RASA3: variants seen among roughly 807,000 people sequenced by gnomAD.
RASA3 encodes the protein RAS p21 protein activator 3, also known as ras GTPase-activating protein 3.
RASA3 carries 73 observed loss-of-function variants against 110.0 expected under a neutral mutation model. The ratio of observed to expected loss-of-function variants is 0.66; its 90% CI spans 0.55 to 0.81. The LOEUF (loss-of-function observed/expected upper bound fraction) is 0.81. Ranked by LOEUF, RASA3 falls within the 30% of genes least tolerant of loss-of-function variation. RASA3 has a pLI of 0.00. For synonymous variants in RASA3, 500 were observed against 451.4 expected, an observed-to-expected ratio of 1.11 and a Z score of -1.37; for missense variants, 976 against 1,113.2, an observed-to-expected ratio of 0.88 and a Z score of 1.75.
At chr13:114,090,716 C>T (rs574831725) in intron 1 of RASA3, among the ~76,000 whole-genome samples, 7 of 152,328 alleles carry the variant, frequency 4.6e-5, no homozygotes, top group Non-Finnish European at 7.3e-5. Flanking sequence ...CTGCAGCAGG[C>T]TCAGGCAGTG....
chr13:114,063,311 T>C (rs1390830564), intron 2 of RASA3, among the ~76,000 whole-genome samples: 1 of 150,818 alleles, frequency 6.6e-6, no homozygotes, highest in Non-Finnish European at 1.5e-5. Context: ...ATAAATGTTA[T>C]AGGTTTAAAA....
intron 10 of RASA3, among the ~76,000 whole-genome samples, 188 bp from the exon 11 acceptor site, chr13:114,018,440 A>G (rs775419562): frequency 3.0e-4 from 46 of 152,296 alleles, no homozygotes; most frequent in Non-Finnish European, 5.6e-4. Context: ...TTGGAGGGGC[A>G]TCTGCACCTC....
intron 18 of RASA3, among the ~76,000 whole-genome samples, chr13:114,002,001 G>C (rs899012646): frequency 6.6e-6 from 1 of 152,274 alleles, no homozygotes; most frequent in Non-Finnish European, 1.5e-5. Context: ...CTTGCCCTGG[G>C]CAGGGTCCTC....
chr13:114,107,328 T>G (rs970834816), intron 1 of RASA3, among the ~76,000 whole-genome samples: 14 of 134,644 alleles, frequency 1.0e-4, no homozygotes, highest in Non-Finnish European at 1.7e-4. Flanking sequence ...TGTGTGTCCC[T>G]CCTTCGTGTC....
chr13:114,027,268 C>T lies in RASA3; in HGVS notation c.603+121G>A, dbSNP rs1034834926. On this transcript the variant is annotated intron_variant, in intron 7 of 23. Coordinates refer to ENST00000334062, the MANE Select transcript of RASA3 (RefSeq NM_007368.4). The stretch of plus-strand genomic sequence containing the variant: ...GAACCCAGGGCCGGCTGGCGGGGCT[C>T]GCTCCTCTCCGGAAGGAACTTCCAG... 24 of 890,496 alleles carry T rather than the reference C, an allele frequency of 2.7e-5. No homozygotes were observed. In the Middle Eastern group the frequency reaches 6.9e-4, roughly 26 times the overall value. The allele number at this position is 890,496 out of a possible 1,614,324, so 55.2% of individuals were successfully genotyped here. A position where few individuals can be genotyped will look rare whatever the true frequency, so the allele number is the denominator to read the frequency against.
In RASA3 at chr13:114,121,600, C is replaced by A. The variant is rs945241755; in HGVS notation, c.55+10835G>T. On this transcript the variant is annotated intron_variant, in intron 1 of 23. Transcript: ENST00000334062. ...GAGACCTCCGAGGAACATAAGGATG[C>A]GGACTCCTCCCTCAGCCTGAACCTC... 3.9e-5 allele frequency among the ~76,000 whole-genome samples: 6 copies of A among 152,298 alleles called. 1 individual carries two copies. The highest frequency in any genetic ancestry group is 1.2e-4 in the African/African-American group (5 of 41,562).
intron 13 of RASA3, 71 bp downstream of exon 13, chr13:114,016,126 T>C: frequency 7.2e-7 from 1 of 1,391,526 alleles, no homozygotes; most frequent in Non-Finnish European, 1.0e-6. Flanking sequence ...GAGTCAGAGC[T>C]TCCAGGCAGC....
chr13:114,081,422 G>T (rs887023059), intron 1 of RASA3, among the ~76,000 whole-genome samples: 1 of 152,214 alleles, frequency 6.6e-6, no homozygotes, highest in Non-Finnish European at 1.5e-5. Flanking sequence ...AATGCTGTCC[G>T]CAGACCACGG....
chr13:114,037,892 A>T (rs2054309631), intron 4 of RASA3, among the ~76,000 whole-genome samples: 1 of 151,314 alleles, frequency 6.6e-6, no homozygotes, highest in Middle Eastern at 3.2e-3. Flanking sequence ...AAGCCAGGAG[A>T]AGGGAGCACG....
Position 114,041,015 on chromosome 13 carries a change from A to G in RASA3, c.357T>C (p.Ala119=). Residue 119 remains alanine (A), a synonymous_variant, in exon 4 of 24, where the codon GCT becomes GCC. Transcript: ENST00000334062. Reference sequence around the variant, plus strand: ...AGAGTCTCACCTGCACTTCCGAGTCAGCGTCCACGTGCTGCAGCTGGAACC... The same window carrying G: ...AGAGTCTCACCTGCACTTCCGAGTCGGCGTCCACGTGCTGCAGCTGGAACC... ...DTWFQLQHVD[A]DSEVQGKVHL... The G allele has an allele frequency of 1.2e-6, 2 of 1,613,710 alleles. No homozygotes were observed. The highest frequency in any genetic ancestry group is 1.1e-5 in the South Asian group (1 of 91,084).
rs950772855 is a variant in RASA3 at position 114,011,075 on chromosome 13, ACT to A, written c.1590+94_1590+95del. 16 of 1,133,370 alleles carry A rather than the reference ACT, an allele frequency of 1.4e-5. No individual in the cohort carries two copies. The highest frequency in any genetic ancestry group is 2.0e-5 in the Non-Finnish European group (15 of 762,982). The allele number at this position is 1,133,370 out of a possible 1,614,324, so 70.2% of individuals were successfully genotyped here. ...TTTGATTCTTGATCTTTATCTTACG[ACT>A]CTCTCAAATGTGGGAGGTTTTTCAC... On this transcript the variant is annotated intron_variant, in intron 16 of 23. Transcript: ENST00000334062. This position sits in a 1 kb window ranked among gnomAD's most constrained non-coding sequence, Gnocchi z 4.8.
At chr13:113,993,603 T>C (rs1594284722) in intron 21 of RASA3, among the ~76,000 whole-genome samples, 1 of 148,410 alleles carries the variant, frequency 6.7e-6, no homozygotes. Context: ...AAGTCAGGAG[T>C]TCAAGACCAT....
intron 1 of RASA3, among the ~76,000 whole-genome samples, chr13:114,076,398 G>C (rs938471609): frequency 1.3e-5 from 2 of 152,188 alleles, no homozygotes; most frequent in East Asian, 3.9e-4. Context: ...AGGCTGCTAC[G>C]AGGCACCTGG....
intron 1 of RASA3, among the ~76,000 whole-genome samples, chr13:114,090,386 G>T (rs1033253059): frequency 6.6e-6 from 1 of 152,210 alleles, no homozygotes; most frequent in Non-Finnish European, 1.5e-5. Context: ...CAAAATGGGG[G>T]TACATGATTG....
intron 17 of RASA3, 49 bp downstream of exon 17, chr13:114,009,338 G>T: frequency 2.8e-6 from 4 of 1,433,852 alleles, no homozygotes; most frequent in Non-Finnish European, 3.9e-6. Context: ...AGAGAACTCC[G>T]TCTCCTGAGC....
At chr13:114,000,684 G>C (rs535666525) in intron 19 of RASA3, 142 bp downstream of exon 19, 4 of 641,460 alleles carry the variant, frequency 6.2e-6, no homozygotes, top group Non-Finnish European at 1.1e-5. Context: ...CAGAAGCAGA[G>C]GGCTCTGGGT....
Position 113,996,049 on chromosome 13 carries a change from G to GGGGGGGCCCGGCTGAT in RASA3, c.2141+466_2141+481dup, listed in dbSNP as rs775571565. On this transcript the variant is annotated intron_variant, in intron 21 of 23. Transcript: ENST00000334062. ...CGGCTGATGGGGGGGCCCGGCTGAT[G>GGGGGGGCCCGGCTGAT]GGGGGGCCCGGCTGATGGGGGGCCC... 1.2e-3 allele frequency among the ~76,000 whole-genome samples: 60 copies of GGGGGGGCCCGGCTGAT among 48,346 alleles called. 2 individuals are homozygous for GGGGGGGCCCGGCTGAT. The highest frequency in any genetic ancestry group is 6.0e-3 in the African/African-American group (49 of 8,142). 31.7% of individuals were successfully genotyped at this position (48,346 alleles called of 152,430 possible).
intron 1 of RASA3, among the ~76,000 whole-genome samples, chr13:114,103,420 CG>C (rs1390028410): frequency 1.3e-5 from 2 of 152,026 alleles, no homozygotes; most frequent in Non-Finnish European, 2.9e-5. Flanking sequence ...AAGGGAAGGT[CG>C]GGCGGCTCCC....
intron 18 of RASA3, among the ~76,000 whole-genome samples, chr13:114,002,107 G>T (rs1408422298): frequency 6.6e-6 from 1 of 152,244 alleles, no homozygotes; most frequent in South Asian, 2.1e-4. Flanking sequence ...TGGAGGAGAA[G>T]AAAGTGGCCA....
Sources: allele counts gnomAD v4.1 joint callset (sites outside exome capture counted in the v4.1 genomes callset), GRCh38; gene constraint gnomAD v4.1.1; non-coding constraint Gnocchi (gnomAD v3.1); transcripts MANE v1.5; gene names NCBI Gene and HGNC (gene_info 2026-07-23, HGNC 2026-07-21).